The following ANKRD9 variants were observed in gnomAD, a reference collection of about 807,000 sequenced individuals.
ANKRD9 encodes the protein ankyrin repeat domain-containing protein 9.
A neutral mutation model predicts 19.2 loss-of-function variants in ANKRD9; 13 were observed. The ratio of observed to expected loss-of-function variants is 0.68; its 90% CI spans 0.44 to 1.08. The LOEUF is 1.08. Among genes scored for constraint, ANKRD9 ranks in the 50% least tolerant of loss-of-function variants. The pLI, the probability that ANKRD9 is intolerant of heterozygous loss-of-function variation, is 0.00. For missense variants in ANKRD9, 518 were observed against 499.9 expected, an observed-to-expected ratio of 1.04 and a Z score of -0.34; for synonymous variants, 278 against 256.8, an observed-to-expected ratio of 1.08 and a Z score of -0.79.
In ANKRD9 at chr14:102,505,953, A is replaced by G. The variant is rs1891577847; in HGVS notation, c.*983T>C. ...AATTCCCAGGCAGGGCAGCCTGGCT[A>G]TCCTCCCTGGTGTCTCGGCTCTGAG... On this transcript the variant is annotated 3_prime_UTR_variant, in exon 4 of 4. Coordinates refer to ENST00000286918, the MANE Select transcript of ANKRD9 (RefSeq NM_152326.4). 1 of 152,098 alleles carries G rather than the reference A, an allele frequency of 6.6e-6. No individual in the cohort carries two copies. The highest frequency in any genetic ancestry group is 1.5e-5 in the Non-Finnish European group (1 of 68,002). 9.4% of individuals were successfully genotyped at this position (152,098 alleles called of 1,614,324 possible).
At position 102,506,823 on chromosome 14, in the gene ANKRD9, G is replaced by A. The variant is rs1242518320; in HGVS notation, c.*113C>T. 8.0e-7 allele frequency: 1 copy of A among 1,256,994 alleles called. No individual in the cohort carries two copies. The highest frequency in any genetic ancestry group is 1.0e-6 in the Non-Finnish European group (1 of 996,106). The allele number at this position is 1,256,994 out of a possible 1,614,324, so 77.9% of individuals were successfully genotyped here. ...CATCCAAGCCCAGCCCCCAGTGCAT[G>A]CGACAGATGAGGCAGAGATTGTGCC... is the stretch of plus-strand genomic sequence containing the variant. On this transcript the variant is annotated 3_prime_UTR_variant, in exon 4 of 4. Transcript: ENST00000286918.
In ANKRD9 at chr14:102,507,393, G is replaced by A; in HGVS notation, c.497C>T (p.Ala166Val). The A allele has an allele frequency of 7.4e-7, 1 of 1,347,838 alleles. No homozygotes were observed. Among genetic ancestry groups the A allele is most frequent in the South Asian group, 1.5e-5 (1 of 68,500 alleles). 83.5% of individuals were successfully genotyped at this position (1,347,838 alleles called of 1,614,324 possible). Residue 166 changes from alanine (A) to valine (V), a missense_variant, in exon 4 of 4, where the codon GCC (alanine) becomes GTC (valine). Coordinates refer to ENST00000286918, the MANE Select transcript of ANKRD9 (RefSeq NM_152326.4). This position sits in a 1 kb window ranked among gnomAD's most constrained non-coding sequence, Gnocchi z 9.2. Reference sequence around the variant, plus strand: ...GCACTCGGGGCGCGCCAGCTCACAGGCCACGTGCAGCGACGTGCCACCGCC... The same window carrying A: ...GCACTCGGGGCGCGCCAGCTCACAGACCACGTGCAGCGACGTGCCACCGCC... ...VEGGGTSLHV[A>V]CELARPECLF...
Position 102,507,410 on chromosome 14 carries a change from GC to G in ANKRD9, c.479del (p.Gly160AlafsTer164). On this transcript the variant is annotated frameshift_variant, in exon 4 of 4. Coordinates refer to ENST00000286918, the MANE Select transcript of ANKRD9 (RefSeq NM_152326.4). LOFTEE classifies it high-confidence loss of function. This position sits in a 1 kb window ranked among gnomAD's most constrained non-coding sequence, Gnocchi z 9.2. ...GCTCACAGGCCACGTGCAGCGACGTGCCACCGCCCTCCACGCGGCTGCAGCC... is the reference window on the plus strand; with the variant it reads ...GCTCACAGGCCACGTGCAGCGACGTGCACCGCCCTCCACGCGGCTGCAGCC... ...RRGCSRVEGG[G>X]TSLHVACELA... The G allele has an allele frequency of 7.4e-7, 1 of 1,359,460 alleles. No homozygotes were observed. 84.2% of individuals were successfully genotyped at this position (1,359,460 alleles called of 1,614,324 possible).
In ANKRD9 at chr14:102,507,593, C is replaced by A. The variant is rs2139814872; in HGVS notation, c.297G>T (p.Ala99=). 6.9e-7 allele frequency: 1 copy of A among 1,448,098 alleles called. No individual in the cohort carries two copies. Among genetic ancestry groups the A allele is most frequent in the Non-Finnish European group, 9.1e-7 (1 of 1,099,758 alleles). The allele number at this position is 1,448,098 out of a possible 1,614,324, so 89.7% of individuals were successfully genotyped here. The part of the protein sequence containing the change: ...HYLLATFPRR[A]LAPPSAGFRC... Reference sequence around the variant, plus strand: ...GGAAGCCGGCACTGGGCGGTGCGAGCGCGCGCCGCGGGAACGTGGCCAGCA... The same window carrying A: ...GGAAGCCGGCACTGGGCGGTGCGAGAGCGCGCCGCGGGAACGTGGCCAGCA... Residue 99 remains alanine, a synonymous_variant, in exon 4 of 4, where the codon GCG becomes GCT. Coordinates refer to ENST00000286918, the MANE Select transcript of ANKRD9 (RefSeq NM_152326.4). This position sits in a 1 kb window ranked among gnomAD's most constrained non-coding sequence, Gnocchi z 9.2.
chr14:102,507,980 A>C lies in ANKRD9; in HGVS notation c.-53-38T>G. 9.4e-7 allele frequency: 1 copy of C among 1,068,762 alleles called. No individual in the cohort carries two copies. Among genetic ancestry groups the C allele is most frequent in the Non-Finnish European group, 1.1e-6 (1 of 874,706 alleles). The allele number at this position is 1,068,762 out of a possible 1,614,324, so 66.2% of individuals were successfully genotyped here. A position where few individuals can be genotyped will look rare whatever the true frequency, so the allele number is the denominator to read the frequency against. On this transcript the variant is annotated intron_variant, in intron 3 of 3. Transcript: ENST00000286918. This position sits in a 1 kb window ranked among gnomAD's most constrained non-coding sequence, Gnocchi z 9.2. ...GAAGAGGCCACGGTGAGGCGCGGGG[A>C]AACTGGGGAGGCCCGGGGACTCCCC...
rs779045442 is a variant in ANKRD9, at chr14:102,505,669, G to A, written c.*1267C>T. ...AGAGGTTTGTCCAAGGTCACCCCCAGAGTGGCGGATCCAGGACCCTGGGCA... is the reference window on the plus strand; with the variant it reads ...AGAGGTTTGTCCAAGGTCACCCCCAAAGTGGCGGATCCAGGACCCTGGGCA... On this transcript the variant is annotated 3_prime_UTR_variant, in exon 4 of 4. Transcript: ENST00000286918. 2 of 152,314 alleles carry A rather than the reference G, an allele frequency of 1.3e-5. No homozygotes were observed. Among genetic ancestry groups the A allele is most frequent in the Non-Finnish European group, 2.9e-5 (2 of 68,122 alleles). 9.4% of individuals were successfully genotyped at this position (152,314 alleles called of 1,614,324 possible). A position where few individuals can be genotyped will look rare whatever the true frequency, so the allele number is the denominator to read the frequency against.
Position 102,508,106 on chromosome 14 carries a change from G to A in ANKRD9, c.-53-164C>T, listed in dbSNP as rs1891674108. Among the ~76,000 whole-genome samples, 1 of 151,962 alleles carries A rather than the reference G, an allele frequency of 6.6e-6. No individual in the cohort carries two copies. The highest frequency in any genetic ancestry group is 6.6e-5 in the Admixed American group (1 of 15,262). On this transcript the variant is annotated intron_variant, in intron 3 of 3. Coordinates refer to ENST00000286918, the MANE Select transcript of ANKRD9 (RefSeq NM_152326.4). The surrounding 1 kb of genome is among the most constrained non-coding windows in gnomAD (Gnocchi z 6.2). ...AGTCACCCTACAGCTCCATCTCTCC[G>A]ACGCCCAGAACCACCGCCTCCATCC... is the stretch of plus-strand genomic sequence containing the variant.
chr14:102,502,221 G>A lies in ANKRD9; in HGVS notation c.*4715C>T. On this transcript the variant is annotated 3_prime_UTR_variant, in exon 4 of 4. Transcript: ENST00000286918. ...GTGGTTCTGTAAGAAATCAGAGGGA[G>A]AAAGGGAGAGAAGGGGGAGGGAGAC... 1 of 152,480 alleles carries A rather than the reference G, an allele frequency of 6.6e-6. No individual in the cohort carries two copies. Among genetic ancestry groups the A allele is most frequent in the Non-Finnish European group, 1.5e-5 (1 of 68,042 alleles). 9.4% of individuals were successfully genotyped at this position (152,480 alleles called of 1,614,324 possible). A position where few individuals can be genotyped will look rare whatever the true frequency, so the allele number is the denominator to read the frequency against.
rs2139813203 is a variant in ANKRD9 at position 102,506,613 on chromosome 14, G to A, written c.*323C>T. 1 of 284,262 alleles carries A rather than the reference G, an allele frequency of 3.5e-6. No individual in the cohort carries two copies. Among genetic ancestry groups the A allele is most frequent in the Non-Finnish European group, 6.5e-6 (1 of 153,738 alleles). 17.6% of individuals were successfully genotyped at this position (284,262 alleles called of 1,614,324 possible). A position where few individuals can be genotyped will look rare whatever the true frequency, so the allele number is the denominator to read the frequency against. ...GCTGTCCTGCTGCTTGGACATGCCA[G>A]TCCCCACCCCTGCACCTACCGAGCT... On this transcript the variant is annotated 3_prime_UTR_variant, in exon 4 of 4. Transcript: ENST00000286918.
Position 102,508,108 on chromosome 14 carries a change from C to A in ANKRD9, c.-53-166G>T, listed in dbSNP as rs888388064. Among the ~76,000 whole-genome samples the A allele has an allele frequency of 4.6e-5, 7 of 152,144 alleles. No homozygotes were observed. The highest frequency in any genetic ancestry group is 1.7e-4 in the African/African-American group (7 of 41,422). On this transcript the variant is annotated intron_variant, in intron 3 of 3. Transcript: ENST00000286918. This position sits in a 1 kb window ranked among gnomAD's most constrained non-coding sequence, Gnocchi z 6.2. ...TCACCCTACAGCTCCATCTCTCCGA[C>A]GCCCAGAACCACCGCCTCCATCCTT...
rs959239675 is a variant in ANKRD9 at position 102,507,237 on chromosome 14, G to T, written c.653C>A (p.Ala218Asp). Reference sequence around the variant, plus strand: ...CTGGCGCGGCTCCCCGGGAGCTGAGGCGGGGGCTCCGGCGGCGGAGGGAGT... The same window carrying T: ...CTGGCGCGGCTCCCCGGGAGCTGAGTCGGGGGCTCCGGCGGCGGAGGGAGT... ...GATPSAAGAP[A>D]SAPGEPRQRR... The change falls in exon 4 of 4, where the codon GCC becomes GAC. Residue 218 changes from alanine to aspartate, a missense_variant. Ala to Asp is a moderately radical substitution (Grantham distance 126). Coordinates refer to ENST00000286918, the MANE Select transcript of ANKRD9 (RefSeq NM_152326.4). This position sits in a 1 kb window ranked among gnomAD's most constrained non-coding sequence, Gnocchi z 9.2. The T allele has an allele frequency of 8.0e-7, 1 of 1,247,662 alleles. No individual in the cohort carries two copies. The highest frequency in any genetic ancestry group is 1.6e-5 in the African/African-American group (1 of 62,832). The allele number at this position is 1,247,662 out of a possible 1,614,324, so 77.3% of individuals were successfully genotyped here.
At chr14:102,509,435 G>A (rs1891722062) in intron 1 of ANKRD9, 94 bp downstream of exon 1, 1 of 146,510 alleles carries the variant, frequency 6.8e-6, no homozygotes, top group South Asian at 2.1e-4. Flanking sequence ...CCGCGCGCAG[G>A]TGGCCGGCGC....
chr14:102,507,323 G>A lies in ANKRD9; in HGVS notation c.567C>T (p.Asp189=), dbSNP rs1159683080. Residue 189 remains aspartate (D), a synonymous_variant, in exon 4 of 4, where the codon GAC becomes GAT. Coordinates refer to ENST00000286918, the MANE Select transcript of ANKRD9 (RefSeq NM_152326.4). The surrounding 1 kb of genome is among the most constrained non-coding windows in gnomAD (Gnocchi z 9.2). Reference sequence around the variant, plus strand: ...GCTCGAGAGGCGTGAGGCCGCCGCCGTCCCGCAGACCGGGCGAGGCGCCGT... The same window carrying A: ...GCTCGAGAGGCGTGAGGCCGCCGCCATCCCGCAGACCGGGCGAGGCGCCGT... ...LGHGASPGLR[D]GGGLTPLELL... is the part of the protein sequence containing the mutation. 1.6e-6 allele frequency: 2 copies of A among 1,290,216 alleles called. No individual in the cohort carries two copies. The highest frequency in any genetic ancestry group is 2.0e-6 in the Non-Finnish European group (2 of 1,014,906). The allele number at this position is 1,290,216 out of a possible 1,614,324, so 79.9% of individuals were successfully genotyped here. A position where few individuals can be genotyped will look rare whatever the true frequency, so the allele number is the denominator to read the frequency against.
rs1891682354 is a variant in ANKRD9 at position 102,508,421 on chromosome 14, C to T, written c.-54+54G>A. ...TCTCCGACCCCAGACCACTTGGAGG[C>T]CCCTGGAGCCTCTTCCTGGGCTGTT... On this transcript the variant is annotated intron_variant, in intron 3 of 3. Coordinates refer to ENST00000286918, the MANE Select transcript of ANKRD9 (RefSeq NM_152326.4). The surrounding 1 kb of genome is among the most constrained non-coding windows in gnomAD (Gnocchi z 6.2). 6.6e-6 allele frequency: 1 copy of T among 152,242 alleles called. No individual in the cohort carries two copies. Among genetic ancestry groups the T allele is most frequent in the Non-Finnish European group, 1.5e-5 (1 of 68,114 alleles). 9.4% of individuals were successfully genotyped at this position (152,242 alleles called of 1,614,324 possible). A position where few individuals can be genotyped will look rare whatever the true frequency, so the allele number is the denominator to read the frequency against.
rs1024259073 is a variant in ANKRD9 at position 102,502,818 on chromosome 14, G to A, written c.*4118C>T. 2 of 152,242 alleles carry A rather than the reference G, an allele frequency of 1.3e-5. No homozygotes were observed. Among genetic ancestry groups the A allele is most frequent in the East Asian group, 1.9e-4 (1 of 5,206 alleles). 9.4% of individuals were successfully genotyped at this position (152,242 alleles called of 1,614,324 possible). On this transcript the variant is annotated 3_prime_UTR_variant, in exon 4 of 4. Transcript: ENST00000286918. ...GGCCCTGTCTCTGGGGACCATGTGG[G>A]GCGGTGGGGCGCTTGAGACAGTGTT...
In ANKRD9 at chr14:102,505,277, C is replaced by CCCT. The variant is rs1432503464; in HGVS notation, c.*1658_*1659insAGG. ...TACCCTCCAAAGGAGAGGCACCTCCCCCCCCCATGGCATCTCCAATCTGAG... is the reference window on the plus strand; with the variant it reads ...TACCCTCCAAAGGAGAGGCACCTCCCCCTCCCCCCATGGCATCTCCAATCTGAG... On this transcript the variant is annotated 3_prime_UTR_variant, in exon 4 of 4. Transcript: ENST00000286918. 1 of 152,090 alleles carries CCCT rather than the reference C, an allele frequency of 6.6e-6. No individual in the cohort carries two copies. The highest frequency in any genetic ancestry group is 2.1e-4 in the South Asian group (1 of 4,816). The allele number at this position is 152,090 out of a possible 1,614,324, so 9.4% of individuals were successfully genotyped here.
Position 102,508,160 on chromosome 14 carries a change from T to C in ANKRD9, c.-53-218A>G, listed in dbSNP as rs971621886. Among the ~76,000 whole-genome samples, 30 of 152,106 alleles carry C rather than the reference T, an allele frequency of 2.0e-4. No individual in the cohort carries two copies. The highest frequency in any genetic ancestry group is 6.8e-4 in the African/African-American group (28 of 41,420). ...ATCTAGCTGTACCTGTTCTCCCTCC[T>C]TGAAACTGACTTGCTCTCTGGCACC... is the stretch of plus-strand genomic sequence containing the variant. On this transcript the variant is annotated intron_variant, in intron 3 of 3. Coordinates refer to ENST00000286918, the MANE Select transcript of ANKRD9 (RefSeq NM_152326.4). This position sits in a 1 kb window ranked among gnomAD's most constrained non-coding sequence, Gnocchi z 6.2.
rs1891559711 is a variant in ANKRD9 at position 102,505,382 on chromosome 14, A to C, written c.*1554T>G. ...GAAAGATGTTAATATCCACTGCCCC[A>C]AGTGCCAAGGTTCAGAGGCACTGGT... is the stretch of plus-strand genomic sequence containing the variant. On this transcript the variant is annotated 3_prime_UTR_variant, in exon 4 of 4. Coordinates refer to ENST00000286918, the MANE Select transcript of ANKRD9 (RefSeq NM_152326.4). 6.6e-6 allele frequency: 1 copy of C among 151,998 alleles called. No individual in the cohort carries two copies. Among genetic ancestry groups the C allele is most frequent in the Admixed American group, 6.6e-5 (1 of 15,230 alleles). The allele number at this position is 151,998 out of a possible 1,614,324, so 9.4% of individuals were successfully genotyped here.
At position 102,505,747 on chromosome 14, in the gene ANKRD9, C is replaced by G. The variant is rs894934554; in HGVS notation, c.*1189G>C. 6 of 152,288 alleles carry G rather than the reference C, an allele frequency of 3.9e-5. No homozygotes were observed. Among genetic ancestry groups the G allele is most frequent in the Non-Finnish European group, 5.9e-5 (4 of 68,114 alleles). The allele number at this position is 152,288 out of a possible 1,614,324, so 9.4% of individuals were successfully genotyped here. A position where few individuals can be genotyped will look rare whatever the true frequency, so the allele number is the denominator to read the frequency against. ...CCCACCTCTCTTGTGTGGCCCAGCA[C>G]CCTGGACTCCTCCATGCCCAGGTGT... On this transcript the variant is annotated 3_prime_UTR_variant, in exon 4 of 4. Coordinates refer to ENST00000286918, the MANE Select transcript of ANKRD9 (RefSeq NM_152326.4).
Sources: allele counts gnomAD v4.1 joint callset (sites outside exome capture counted in the v4.1 genomes callset), GRCh38; gene constraint gnomAD v4.1.1; non-coding constraint Gnocchi (gnomAD v3.1); transcripts MANE v1.5; gene names NCBI Gene and HGNC (gene_info 2026-07-23, HGNC 2026-07-21).